PLCB4: variants seen among roughly 807,000 people sequenced by gnomAD.
The protein encoded by PLCB4 is 1-phosphatidylinositol 4,5-bisphosphate phosphodiesterase beta-4.
Under a neutral mutation model 178.8 loss-of-function variants are expected in PLCB4, and 77 were observed. That is an observed-to-expected ratio of 0.43 (90% CI 0.36 to 0.52). The LOEUF is 0.52. Among genes scored for constraint, PLCB4 ranks in the 20% least tolerant of loss-of-function variants. The probability of loss-of-function intolerance (pLI) is 0.00; values close to 1 mark genes in which losing one functional copy is unlikely to be tolerated. For synonymous variants in PLCB4, 496 were observed against 490.8 expected (o/e 1.01, Z -0.14); for missense variants, 1,024 against 1,453.4 (o/e 0.70, Z 4.80).
At chr20:9,423,579 G>C (rs140046621) in intron 27 of PLCB4, among the ~76,000 whole-genome samples, 169 bp from the exon 28 acceptor site, 99 of 152,274 alleles carry the variant, frequency 6.5e-4, no homozygotes, top group African/African-American at 2.2e-3. Flanking sequence ...TCAGTGTCTT[G>C]GGCACTGTAG....
chr20:9,320,542 G>A (rs2094948506), intron 4 of PLCB4, among the ~76,000 whole-genome samples: 1 of 152,142 alleles, frequency 6.6e-6, no homozygotes, highest in Admixed American at 6.5e-5. Context: ...AGCCTAGTAG[G>A]TCTCAGCCTC....
intron 36 of PLCB4, among the ~76,000 whole-genome samples, chr20:9,470,605 T>G (rs1373338001): frequency 6.6e-6 from 1 of 152,242 alleles, no homozygotes; most frequent in African/African-American, 2.4e-5. Flanking sequence ...GGTCAAATTA[T>G]CTTCAATTTG....
At chr20:9,131,969 G>T (rs1281247674) in intron 2 of PLCB4, among the ~76,000 whole-genome samples, 1 of 152,222 alleles carries the variant, frequency 6.6e-6, no homozygotes. Context: ...AGGCCGTCTC[G>T]CATGTTCCAG....
chr20:9,388,525 C>G (rs1899711415), intron 15 of PLCB4, among the ~76,000 whole-genome samples: 1 of 152,122 alleles, frequency 6.6e-6, no homozygotes, highest in Admixed American at 6.5e-5. Context: ...TCAAGATCAG[C>G]CTGGCCAACA....
In PLCB4 at chr20:9,139,155, G is replaced by A. The variant is rs1463614575; in HGVS notation, c.-79+42813G>A. Among the ~76,000 whole-genome samples, 12 of 152,232 alleles carry A rather than the reference G, an allele frequency of 7.9e-5. No homozygotes were observed. The East Asian group carries it at 2.3e-3, about 30-fold the overall frequency. On this transcript the variant is annotated intron_variant, in intron 2 of 39. Transcript: ENST00000378473. ...GCAGAGAATGTCTTCTTGTCTATCT[G>A]TTTTATTCTTTCCTTATCTTGTTTG...
intron 3 of PLCB4, among the ~76,000 whole-genome samples, chr20:9,239,453 T>C (rs1162488696): frequency 6.6e-6 from 1 of 152,166 alleles, no homozygotes; most frequent in Non-Finnish European, 1.5e-5. Flanking sequence ...AAAGACAGAT[T>C]AGCAAGAGAA....
intron 7 of PLCB4, among the ~76,000 whole-genome samples, chr20:9,360,903 C>T (rs1286265930): frequency 6.6e-6 from 1 of 152,150 alleles, no homozygotes; most frequent in Admixed American, 6.5e-5. Context: ...TTAGGTGTGA[C>T]CAGGATCAGC....
At chr20:9,428,846 G>A (rs1211965131) in intron 28 of PLCB4, among the ~76,000 whole-genome samples, 2 of 152,160 alleles carry the variant, frequency 1.3e-5, no homozygotes, top group African/African-American at 2.4e-5. Context: ...TTAAACAAAC[G>A]AAAATCAACT....
intron 2 of PLCB4, among the ~76,000 whole-genome samples, chr20:9,163,657 A>G (rs992126679): frequency 1.2e-4 from 18 of 152,102 alleles, no homozygotes; most frequent in African/African-American, 4.3e-4. Context: ...CACTTTAGAC[A>G]GTATCTGTTG....
At chr20:9,240,788 TG>T (rs1569002696) in intron 3 of PLCB4, among the ~76,000 whole-genome samples, 1 of 152,002 alleles carries the variant, frequency 6.6e-6, no homozygotes, top group Non-Finnish European at 1.5e-5. Flanking sequence ...TTCATTTGAT[TG>T]GGGGGTTGGG....
At chr20:9,173,334 C>T (rs1181053972) in intron 2 of PLCB4, among the ~76,000 whole-genome samples, 1 of 152,214 alleles carries the variant, frequency 6.6e-6, no homozygotes, top group East Asian at 1.9e-4. Flanking sequence ...AGATTTACCT[C>T]ATCTCCTGAT....
chr20:9,464,640 AATACT>A (rs1360377893), intron 35 of PLCB4, among the ~76,000 whole-genome samples: 2 of 152,218 alleles, frequency 1.3e-5, no homozygotes, highest in Admixed American at 6.5e-5. Flanking sequence ...ACCATCAGAG[AATACT>A]ATAAACACCT....
chr20:9,215,152 T>G (rs768420615), intron 2 of PLCB4, among the ~76,000 whole-genome samples: 38 of 152,194 alleles, frequency 2.5e-4, no homozygotes, highest in Admixed American at 3.9e-4. Flanking sequence ...TATTCAGCAT[T>G]CAACAAAGAT....
At chr20:9,189,581 C>T (rs565241599) in intron 2 of PLCB4, among the ~76,000 whole-genome samples, 1 of 152,318 alleles carries the variant, frequency 6.6e-6, no homozygotes, top group East Asian at 1.9e-4. Context: ...CACTAGATGC[C>T]AGGAGCATAC....
chr20:9,260,091 G>A (rs920542798), intron 3 of PLCB4, among the ~76,000 whole-genome samples: 8 of 151,952 alleles, frequency 5.3e-5, no homozygotes, highest in Non-Finnish European at 7.4e-5. Flanking sequence ...GGTGCAATGG[G>A]AAAGGAAGAG....
In PLCB4 at chr20:9,387,490, A is replaced by T. The variant is rs760338627; in HGVS notation, c.1092A>T (p.Gly364=). The change falls in exon 15 of 40, where the codon GGA becomes GGT. Residue 364 remains glycine (G), a synonymous_variant. Transcript: ENST00000378473. ...CRCVELDCWD[G]KGEDQEPIIT... ...GTGTTGAACTTGACTGCTGGGATGGAAAAGGTGAAGACCAAGAACCAATAA... is the reference window on the plus strand; with the variant it reads ...GTGTTGAACTTGACTGCTGGGATGGTAAAGGTGAAGACCAAGAACCAATAA... 10 of 1,592,388 alleles carry T rather than the reference A, an allele frequency of 6.3e-6. No individual in the cohort carries two copies. Among genetic ancestry groups the T allele is most frequent in the Non-Finnish European group, 8.6e-6 (10 of 1,163,096 alleles).
chr20:9,156,077 A>G (rs1031222135), intron 2 of PLCB4, among the ~76,000 whole-genome samples: 6 of 152,168 alleles, frequency 3.9e-5, no homozygotes, highest in Admixed American at 3.3e-4. Flanking sequence ...AGCTATCAAC[A>G]CTTAAAAAAT....
chr20:9,069,548 C>T (rs1480622818), intron 1 of PLCB4, among the ~76,000 whole-genome samples: 1 of 152,166 alleles, frequency 6.6e-6, no homozygotes, highest in Non-Finnish European at 1.5e-5. Flanking sequence ...AATGTGTATG[C>T]GTGTGGATCT....
In PLCB4 at chr20:9,338,948, G is replaced by C. The variant is rs1307400192; in HGVS notation, c.280G>C (p.Glu94Gln). The change falls in exon 7 of 40, where the codon GAA becomes CAA. Residue 94 changes from glutamate to glutamine, a missense_variant. Around this residue, in one of 7 missense-constraint regions of PLCB4, gnomAD observed 225 missense variants for 291.0 expected, o/e 0.77. Transcript: ENST00000378473. Reference sequence around the variant, plus strand: ...TGTTGGAAAATCAGAAAATGATCTGGAAGGGCGGATAGTTTGTGTCTGCAG... The same window carrying C: ...TGTTGGAAAATCAGAAAATGATCTGCAAGGGCGGATAGTTTGTGTCTGCAG... ...EAVGKSENDLEGRIVCVCSGT... is the reference protein window; with the variant it reads ...EAVGKSENDLQGRIVCVCSGT... 10 of 1,613,492 alleles carry C rather than the reference G, an allele frequency of 6.2e-6. No homozygotes were observed. Among genetic ancestry groups the C allele is most frequent in the East Asian group, 2.2e-5 (1 of 44,838 alleles).
Sources: allele counts gnomAD v4.1 joint callset (sites outside exome capture counted in the v4.1 genomes callset), GRCh38; gene constraint gnomAD v4.1.1; regional missense constraint gnomAD v4.1.1; transcripts MANE v1.5; gene names NCBI Gene and HGNC (gene_info 2026-07-23, HGNC 2026-07-21).